The following HECTD4 variants were observed in gnomAD, a reference collection of about 807,000 sequenced individuals.
HECTD4 encodes probable E3 ubiquitin-protein ligase HECTD4.
HECTD4 carries 114 observed loss-of-function variants against 471.5 expected under a neutral mutation model. The ratio of observed to expected loss-of-function variants is 0.24; its 90% CI spans 0.21 to 0.28. The LOEUF (loss-of-function observed/expected upper bound fraction) is 0.28, where lower values mean the gene tolerates loss of function less well. HECTD4 is among the 10% of genes least tolerant of loss of function. HECTD4 has a pLI of 1.00. For missense variants in HECTD4, 3,866 were observed against 5,651.5 expected (o/e 0.68, Z 10.13); for synonymous variants, 2,012 against 2,256.0 (o/e 0.89, Z 3.07).
intron 1 of HECTD4, among the ~76,000 whole-genome samples, chr12:112,328,958 A>G (rs2083405185): frequency 6.6e-6 from 1 of 152,220 alleles, no homozygotes; most frequent in South Asian, 2.1e-4. Context: ...AGATCTTCAT[A>G]TAACTGCTGG....
chr12:112,258,544 G>T lies in HECTD4; in HGVS notation c.3080C>A (p.Ser1027Tyr), dbSNP rs771572533. 1 of 1,605,898 alleles carries T rather than the reference G, an allele frequency of 6.2e-7. No homozygotes were observed. ...CTTCTGGTCTGGTGCACCACACGGG[G>T]AACAGCCCACCTCAGCAAAAACCGG... ...QCPVFAEVGC[S>Y]PCGAPDQKCR... Residue 1027 changes from serine (S) to tyrosine (Y), a missense_variant, in exon 20 of 76, where the codon TCC (serine) becomes TAC (tyrosine). Around this residue, in one of 16 missense-constraint regions of HECTD4, gnomAD observed 525 missense variants for 672.6 expected, o/e 0.78. Transcript: ENST00000682272.
intron 38 of HECTD4, among the ~76,000 whole-genome samples, chr12:112,232,692 A>G (rs2033411458): frequency 2.0e-5 from 3 of 152,036 alleles, no homozygotes; most frequent in South Asian, 4.1e-4. Flanking sequence ...CCTTTCACCT[A>G]TTTTCAACTA....
intron 1 of HECTD4, among the ~76,000 whole-genome samples, chr12:112,369,283 C>A (rs573942676): frequency 1.2e-4 from 18 of 151,916 alleles, no homozygotes; most frequent in Non-Finnish European, 2.1e-4. Flanking sequence ...CAATTACATC[C>A]ATTGGATGCA....
rs1182132403 is a variant in HECTD4 at position 112,164,098 on chromosome 12, C to T, written c.12701+11G>A. On this transcript the variant is annotated intron_variant, in intron 73 of 75. Transcript: ENST00000682272. ...AGCCCCTGCCAGCCCCTGACACGCGCACACACTCACGCCACAAGGATGTGC... is the reference window on the plus strand; with the variant it reads ...AGCCCCTGCCAGCCCCTGACACGCGTACACACTCACGCCACAAGGATGTGC... The T allele has an allele frequency of 6.5e-7, 1 of 1,540,844 alleles. No homozygotes were observed. The highest frequency in any genetic ancestry group is 2.3e-5 in the East Asian group (1 of 42,648).
Position 112,204,634 on chromosome 12 carries a change from T to A in HECTD4, c.8132-11A>T, listed in dbSNP as rs996124625. On this transcript the variant is annotated splice_polypyrimidine_tract_variant and intron_variant, in intron 52 of 75. Coordinates refer to ENST00000682272, the MANE Select transcript of HECTD4 (RefSeq NM_001388303.1). The stretch of plus-strand genomic sequence containing the variant: ...CAATATCCACCATACCTAAAAAATA[T>A]AACAGCACAGGGTAACTCCCCAAAG... The A allele has an allele frequency of 1.9e-6, 3 of 1,608,984 alleles. No homozygotes were observed. The highest frequency in any genetic ancestry group is 2.7e-5 in the African/African-American group (2 of 74,778).
intron 40 of HECTD4, 144 bp from the exon 41 acceptor site, chr12:112,230,024 T>C (rs562818555): frequency 2.9e-6 from 2 of 681,402 alleles, no homozygotes; most frequent in Non-Finnish European, 4.8e-6. Flanking sequence ...CTATCAGGTA[T>C]GGCCAATGAC....
chr12:112,203,871 TAATAA>T (rs921595969), intron 53 of HECTD4, 99 bp from the exon 54 acceptor site: 36 of 622,280 alleles, frequency 5.8e-5, no homozygotes, highest in African/African-American at 3.2e-4. Flanking sequence ...AAACATAAAA[TAATAA>T]AATAAAATAA....
At position 112,163,816 on chromosome 12, in the gene HECTD4, G is replaced by C; in HGVS notation, c.12702-79C>G. ...TGGGGGCCACACCCACTCAGCTGGAGGTCCCGGATCCTCTCTTGGGAGAGG... is the reference window on the plus strand; with the variant it reads ...TGGGGGCCACACCCACTCAGCTGGACGTCCCGGATCCTCTCTTGGGAGAGG... On this transcript the variant is annotated intron_variant, in intron 73 of 75. Transcript: ENST00000682272. This position sits in a 1 kb window ranked among gnomAD's most constrained non-coding sequence, Gnocchi z 8.2. 7.9e-7 allele frequency: 1 copy of C among 1,273,836 alleles called. No individual in the cohort carries two copies. The highest frequency in any genetic ancestry group is 1.0e-6 in the Non-Finnish European group (1 of 964,644). The allele number at this position is 1,273,836 out of a possible 1,614,324, so 78.9% of individuals were successfully genotyped here.
chr12:112,209,910 C>T (rs181317931), intron 50 of HECTD4, 105 bp downstream of exon 50: 3 of 958,256 alleles, frequency 3.1e-6, no homozygotes, highest in Non-Finnish European at 4.8e-6. Context: ...GAGTTTGCAA[C>T]TCCTGATTGT....
At chr12:112,221,452 T>A (rs2033093631) in intron 44 of HECTD4, among the ~76,000 whole-genome samples, 1 of 152,128 alleles carries the variant, frequency 6.6e-6, no homozygotes, top group African/African-American at 2.4e-5. Context: ...TTGCCCAGGC[T>A]GGTCTCAAAC....
intron 48 of HECTD4, among the ~76,000 whole-genome samples, chr12:112,215,250 G>A (rs922928006): frequency 2.6e-5 from 4 of 152,136 alleles, no homozygotes; most frequent in Admixed American, 2.0e-4. Flanking sequence ...ACAAGTGATG[G>A]CAAAAGTAAC....
chr12:112,300,230 G>C (rs906139084), intron 7 of HECTD4, among the ~76,000 whole-genome samples: 1 of 150,874 alleles, frequency 6.6e-6, no homozygotes, highest in African/African-American at 2.4e-5. Flanking sequence ...AATCGCTTCA[G>C]CCTGGGAGGT....
Position 112,378,762 on chromosome 12 carries a change from G to A in HECTD4, c.177+3190C>T, listed in dbSNP as rs1195492065. ...ATAGCTTTTAAAAAATTAATAAACC[G>A]GCCAGACGCTGTGGCTCACGCCTGT... On this transcript the variant is annotated intron_variant, in intron 1 of 75. Transcript: ENST00000682272. Among the ~76,000 whole-genome samples, 9 of 152,224 alleles carry A rather than the reference G, an allele frequency of 5.9e-5. 1 individual carries two copies. In the South Asian group the frequency reaches 1.0e-3, roughly 18 times the overall value.
At chr12:112,271,628 T>C (rs1354864715) in intron 11 of HECTD4, among the ~76,000 whole-genome samples, 1 of 152,218 alleles carries the variant, frequency 6.6e-6, no homozygotes, top group Non-Finnish European at 1.5e-5. Context: ...CCAAGTGTCC[T>C]GTTCTGCTCT....
chr12:112,244,027 A>G lies in HECTD4; in HGVS notation c.4514-18T>C. On this transcript the variant is annotated intron_variant, in intron 29 of 75. Coordinates refer to ENST00000682272, the MANE Select transcript of HECTD4 (RefSeq NM_001388303.1). ...TTTACAAGCTAGAAAAAAAAGGAAT[A>G]AAAAGGCTGACATTTCTGCTATCTG... 1 of 1,612,984 alleles carries G rather than the reference A, an allele frequency of 6.2e-7. No homozygotes were observed. Among genetic ancestry groups the G allele is most frequent in the Non-Finnish European group, 8.5e-7 (1 of 1,179,470 alleles).
At chr12:112,297,052 CAGATGGTGTAGGTGT>C (rs1360893006) in intron 7 of HECTD4, among the ~76,000 whole-genome samples, 6 of 132,234 alleles carry the variant, frequency 4.5e-5, no homozygotes, top group Admixed American at 8.0e-5. Context: ...GATATAGGTG[CAGATGGTGTAGGTGT>C]AGATGGTGTA....
chr12:112,190,953 G>A lies in HECTD4; in HGVS notation c.9305C>T (p.Pro3102Leu). 2 of 1,559,916 alleles carry A rather than the reference G, an allele frequency of 1.3e-6. No homozygotes were observed. Among genetic ancestry groups the A allele is most frequent in the Non-Finnish European group, 1.7e-6 (2 of 1,152,184 alleles). ...RVHIKLGVSP[P>L]PGAVLVLHSL... ...ATGTAACACCAGGACTGCTCCAGGA[G>A]GTGGAGACACCCCTGCAAGAAGCAC... The change falls in exon 60 of 76, where the codon CCT becomes CTT. Residue 3102 changes from proline to leucine, a missense_variant. Around this residue, in one of 16 missense-constraint regions of HECTD4, gnomAD observed 364 missense variants for 413.2 expected, o/e 0.88. Coordinates refer to ENST00000682272, the MANE Select transcript of HECTD4 (RefSeq NM_001388303.1).
chr12:112,183,321 G>T, intron 61 of HECTD4, 55 bp from the exon 62 acceptor site: 1 of 1,346,826 alleles, frequency 7.4e-7, no homozygotes, highest in South Asian at 1.2e-5. Context: ...GTCATTCAGT[G>T]TGAGTGAACT....
intron 7 of HECTD4, among the ~76,000 whole-genome samples, 163 bp from the exon 8 acceptor site, chr12:112,283,465 CAAAA>C (rs1253455195): frequency 6.6e-6 from 1 of 152,112 alleles, no homozygotes; most frequent in East Asian, 1.9e-4. Context: ...CTACTACAAA[CAAAA>C]GAGACTATGC....
Sources: gnomAD v4.1 joint callset for allele counts (sites outside exome capture counted in the v4.1 genomes callset) on GRCh38, gnomAD v4.1.1 for gene constraint, gnomAD v4.1.1 regional missense constraint, Gnocchi (gnomAD v3.1) non-coding constraint, MANE v1.5 for transcripts, NCBI Gene and HGNC (gene_info 2026-07-23, HGNC 2026-07-21) for gene names.